The following HAGH variants were observed in gnomAD, a reference collection of about 807,000 sequenced individuals.
HAGH encodes hydroxyacylglutathione hydrolase, mitochondrial.
Under a neutral mutation model 35.1 loss-of-function variants are expected in HAGH, and 29 were observed. That is an observed-to-expected ratio of 0.83 (90% confidence interval 0.62 to 1.13). The LOEUF is 1.13. Among genes scored for constraint, HAGH ranks in the 50% most tolerant of loss-of-function variants. HAGH has a pLI of 0.00. For synonymous variants in HAGH, 225 were observed against 176.1 expected, an observed-to-expected ratio of 1.28 and a Z score of -2.20; for missense variants, 478 against 419.6, an observed-to-expected ratio of 1.14 and a Z score of -1.22.
intron 3 of HAGH, among the ~76,000 whole-genome samples, chr16:1,820,242 G>A (rs776821283): frequency 3.3e-5 from 5 of 149,864 alleles, no homozygotes; most frequent in African/African-American, 7.6e-5. Context: ...CCACCTGCAC[G>A]TCTTTACAAA....
At chr16:1,819,300 G>A in intron 4 of HAGH, 77 bp from the exon 5 acceptor site, 1 of 813,326 alleles carries the variant, frequency 1.2e-6, no homozygotes. Context: ...CGCGCCGCCT[G>A]GGCCCTACTG....
At chr16:1,813,682 A>G (rs1897763257) in intron 7 of HAGH, among the ~76,000 whole-genome samples, 1 of 152,262 alleles carries the variant, frequency 6.6e-6, no homozygotes, top group South Asian at 2.1e-4. Context: ...CAGCCAGGCT[A>G]GCTTTTCTGA....
intron 5 of HAGH, among the ~76,000 whole-genome samples, chr16:1,818,163 G>C (rs1358089730): frequency 6.6e-6 from 1 of 152,152 alleles, no homozygotes; most frequent in Admixed American, 6.5e-5. Context: ...TGCTCCACAG[G>C]GCTGTCCTTG....
In HAGH at chr16:1,809,049, C is replaced by T. The variant is rs1297132970; in HGVS notation, c.*234G>A. 13 of 483,396 alleles carry T rather than the reference C, an allele frequency of 2.7e-5. No homozygotes were observed. Among genetic ancestry groups the T allele is most frequent in the East Asian group, 1.3e-4 (4 of 30,776 alleles). The allele number at this position is 483,396 out of a possible 1,614,324, so 29.9% of individuals were successfully genotyped here. On this transcript the variant is annotated 3_prime_UTR_variant, in exon 9 of 9. Transcript: ENST00000397356. ...TGGCTCACGGAGGAGGAAGGAGGCC[C>T]GAGGGGACAAGCAGAGGCCTAAAGG...
intron 1 of HAGH, chr16:1,826,431 C>T (rs1898423275): frequency 4.7e-6 from 2 of 426,692 alleles, no homozygotes; most frequent in South Asian, 9.5e-5. Context: ...GACGCGATGC[C>T]CTGGAGGCGT....
intron 7 of HAGH, among the ~76,000 whole-genome samples, chr16:1,814,637 C>T (rs944431407): frequency 2.1e-4 from 32 of 152,024 alleles, no homozygotes; most frequent in Admixed American, 1.8e-3. Flanking sequence ...TGGTGGGTCA[C>T]GCCTGTAATC....
At chr16:1,826,885 C>T, upstream of HAGH, 1 of 785,926 alleles carries the variant, frequency 1.3e-6, no homozygotes, top group Non-Finnish European at 1.8e-6. Context: ...CTGCCCTCAG[C>T]CAATCAGCGT....
At chr16:1,813,574 G>C (rs1417482665) in intron 7 of HAGH, among the ~76,000 whole-genome samples, 1 of 152,176 alleles carries the variant, frequency 6.6e-6, no homozygotes, top group Non-Finnish European at 1.5e-5. Context: ...ACACTGCTGA[G>C]AAAAGCTAAA....
chr16:1,822,576 G>A (rs899432105), intron 2 of HAGH, among the ~76,000 whole-genome samples: 2 of 152,002 alleles, frequency 1.3e-5, no homozygotes, highest in African/African-American at 4.8e-5. Context: ...AACCACCTAC[G>A]ACCGCTCCAA....
chr16:1,826,447 GCGCGGCCGGCCCAGCCCGAGCGTGGAGGC>G (rs1394203119), intron 1 of HAGH: 2 of 574,574 alleles, frequency 3.5e-6, no homozygotes, highest in Non-Finnish European at 2.2e-6. Context: ...GGCGTCAGGG[GCGCGGCCGGCCCAGCCCGAGCGTGGAGGC>G]CGCGGCGGAC....
rs769967862 is a variant in HAGH, at chr16:1,809,391, G to GCCAGCACC, written c.828-17_828-10dup. On this transcript the variant is annotated splice_polypyrimidine_tract_variant and intron_variant, in intron 8 of 8. Transcript: ENST00000397356. ...GCTGCACCGTCTTCTCCCTGCGGAGGCCAGCACCGGGCTGCAGGCTGTGCC... is the reference window on the plus strand; with the variant it reads ...GCTGCACCGTCTTCTCCCTGCGGAGGCCAGCACCCCAGCACCGGGCTGCAGGCTGTGCC... 6.2e-7 allele frequency: 1 copy of GCCAGCACC among 1,603,546 alleles called. No homozygotes were observed. The highest frequency in any genetic ancestry group is 8.5e-7 in the Non-Finnish European group (1 of 1,176,172).
chr16:1,809,973 G>A, intron 7 of HAGH, 140 bp from the exon 8 acceptor site: 1 of 659,438 alleles, frequency 1.5e-6, no homozygotes, highest in Non-Finnish European at 2.7e-6. Context: ...AGACCAGCCT[G>A]GACAACATGG....
intron 5 of HAGH, among the ~76,000 whole-genome samples, chr16:1,818,101 T>A (rs1327858153): frequency 2.6e-5 from 4 of 151,734 alleles, no homozygotes; most frequent in African/African-American, 9.7e-5. Flanking sequence ...GGCCATGGAG[T>A]CCCCAGAGAT....
chr16:1,811,827 G>A (rs1442647317), intron 7 of HAGH, among the ~76,000 whole-genome samples: 4 of 152,150 alleles, frequency 2.6e-5, no homozygotes, highest in Admixed American at 6.6e-5. Flanking sequence ...AACTCTCAAC[G>A]TCCCTCCTAT....
chr16:1,814,936 C>A (rs62038375), intron 7 of HAGH, among the ~76,000 whole-genome samples: 19 of 116,520 alleles, frequency 1.6e-4, no homozygotes, highest in South Asian at 3.5e-4. Flanking sequence ...TATATACACA[C>A]ACACACACAC....
intron 7 of HAGH, among the ~76,000 whole-genome samples, chr16:1,814,134 T>C (rs1009459663): frequency 1.3e-5 from 2 of 152,168 alleles, no homozygotes; most frequent in East Asian, 3.8e-4. Flanking sequence ...CTTTGTGAGC[T>C]AAGGGTATGC....
intron 3 of HAGH, 21 bp downstream of exon 3, chr16:1,822,279 C>A (rs1208905559): frequency 2.6e-6 from 4 of 1,561,248 alleles, no homozygotes; most frequent in South Asian, 2.2e-5. Flanking sequence ...CCCACACCCC[C>A]AGGTGAGACG....
intron 7 of HAGH, among the ~76,000 whole-genome samples, chr16:1,814,061 A>C (rs1389669746): frequency 1.3e-5 from 2 of 152,268 alleles, no homozygotes; most frequent in Non-Finnish European, 2.9e-5. Context: ...GGAACACTGT[A>C]AATTGTTTGT....
In HAGH at chr16:1,822,270, C is replaced by T. The variant is rs770499019; in HGVS notation, c.314+30G>A. On this transcript the variant is annotated intron_variant, in intron 3 of 8. Transcript: ENST00000397356. ...ACCGGGGCGAGAAGTGAGCCAGGTC[C>T]CACACCCCCAGGTGAGACGCGGCAC... 4 of 1,502,302 alleles carry T rather than the reference C, an allele frequency of 2.7e-6. No individual in the cohort carries two copies. The East Asian group carries it at 6.8e-5, about 25-fold the overall frequency. 93.1% of individuals were successfully genotyped at this position (1,502,302 alleles called of 1,614,324 possible).
Sources: allele counts gnomAD v4.1 joint callset (sites outside exome capture counted in the v4.1 genomes callset), GRCh38; gene constraint gnomAD v4.1.1; transcripts MANE v1.5; gene names NCBI Gene and HGNC (gene_info 2026-07-23, HGNC 2026-07-21).